The following RIN2 variants were observed in gnomAD, a reference collection of about 807,000 sequenced individuals.
RIN2 encodes RAB5 interacting protein 2.
Under a neutral mutation model 78.0 loss-of-function variants are expected in RIN2, and 36 were observed. That is an observed-to-expected ratio of 0.46 (90% CI 0.35 to 0.61). The LOEUF (loss-of-function observed/expected upper bound fraction) is 0.61. Ranked by LOEUF, RIN2 falls within the 20% of genes least tolerant of loss-of-function variation. RIN2 has a pLI of 0.00. For missense variants in RIN2, 1,087 were observed against 1,159.7 expected, an observed-to-expected ratio of 0.94 and a Z score of 0.91; for synonymous variants, 466 against 466.8, an observed-to-expected ratio of 1.00 and a Z score of 0.02.
intron 9 of RIN2, among the ~76,000 whole-genome samples, chr20:19,981,778 G>A (rs2042461575): frequency 6.6e-6 from 1 of 152,070 alleles, no homozygotes; most frequent in Non-Finnish European, 1.5e-5. Context: ...AAATCATACC[G>A]TGTCCTTCAG....
At chr20:19,774,973 C>G (rs2034261815) in intron 1 of RIN2, among the ~76,000 whole-genome samples, 1 of 152,086 alleles carries the variant, frequency 6.6e-6, no homozygotes, top group Non-Finnish European at 1.5e-5. Context: ...CAAGGATGGC[C>G]CATTACTGAC....
At chr20:19,988,982 CTG>C (rs1267207654) in intron 9 of RIN2, among the ~76,000 whole-genome samples, 2 of 151,250 alleles carry the variant, frequency 1.3e-5, no homozygotes, top group African/African-American at 2.5e-5. Context: ...TGCACACACA[CTG>C]TCTCTCATTT....
Position 19,974,927 on chromosome 20 carries a change from C to G in RIN2, c.902C>G (p.Thr301Arg). Residue 301 changes from threonine to arginine, a missense_variant, in exon 9 of 13, where the codon ACG becomes AGG. Physicochemically the swap from Thr to Arg is moderately conservative, Grantham distance 71. Transcript: ENST00000255006. The stretch of plus-strand genomic sequence containing the variant: ...ACAAGGACTCCCAACGCGAATGGCA[C>G]GGAGCGGACTCGGTCCCCCCCACCC... ...PSTRTPNANG[T>R]ERTRSPPPRP... The G allele has an allele frequency of 6.2e-7, 1 of 1,613,762 alleles. No homozygotes were observed. Among genetic ancestry groups the G allele is most frequent in the Non-Finnish European group, 8.5e-7 (1 of 1,179,776 alleles).
intron 1 of RIN2, among the ~76,000 whole-genome samples, chr20:19,773,876 A>T (rs2034220913): frequency 6.7e-6 from 1 of 150,146 alleles, no homozygotes; most frequent in African/African-American, 2.4e-5. Flanking sequence ...TAAAAATAAA[A>T]TAATATATAC....
intron 2 of RIN2, among the ~76,000 whole-genome samples, chr20:19,845,512 T>C (rs1475513966): frequency 6.6e-6 from 1 of 152,212 alleles, no homozygotes; most frequent in Non-Finnish European, 1.5e-5. Context: ...TTCATATGTT[T>C]GTTGGCCACA....
Position 19,886,612 on chromosome 20 carries a change from CTTTTTTTT to C in RIN2, c.-36-2942_-36-2935del, listed in dbSNP as rs11362637. 1,544 of 520,924 alleles carry C rather than the reference CTTTTTTTT, an allele frequency of 3.0e-3. 27 individuals carry two copies. In the African/African-American group the frequency reaches 0.036, roughly 12 times the overall value. The allele number at this position is 520,924 out of a possible 1,614,324, so 32.3% of individuals were successfully genotyped here. A position where few individuals can be genotyped will look rare whatever the true frequency, so the allele number is the denominator to read the frequency against. On this transcript the variant is annotated intron_variant, in intron 2 of 12. Coordinates refer to ENST00000255006, the MANE Select transcript of RIN2 (RefSeq NM_018993.4). ...GGGCTGCCTTCTTCTTCTTCTTCTT[CTTTTTTTT>C]TTTTTTTTTTTGCTAGCTTTTAGCT...
chr20:19,895,436 T>G (rs2281621), intron 3 of RIN2, among the ~76,000 whole-genome samples: 31,138 of 152,052 alleles, frequency 0.2, 3,962 homozygotes, highest in Non-Finnish European at 0.29. Context: ...GCCTCAAGTG[T>G]GTAGAGTACC....
In RIN2 at chr20:19,934,542, C is replaced by T. The variant is rs80280965; in HGVS notation, c.58-557C>T. Reference sequence around the variant, plus strand: ...CAGCCTCACTCAGTCCTTTCTCTTCCCTTTCCCCAACAATCTTCTCTCCAC... The same window carrying T: ...CAGCCTCACTCAGTCCTTTCTCTTCTCTTTCCCCAACAATCTTCTCTCCAC... On this transcript the variant is annotated intron_variant, in intron 3 of 12. Coordinates refer to ENST00000255006, the MANE Select transcript of RIN2 (RefSeq NM_018993.4). 7.1e-3 allele frequency: 6,967 copies of T among 985,020 alleles called. 170 individuals are homozygous for T. The East Asian group carries it at 0.1, about 15-fold the overall frequency. 61.0% of individuals were successfully genotyped at this position (985,020 alleles called of 1,614,324 possible).
intron 5 of RIN2, 74 bp from the exon 6 acceptor site, chr20:19,960,626 T>C (rs935939558): frequency 1.0e-5 from 11 of 1,101,526 alleles, no homozygotes; most frequent in Non-Finnish European, 1.5e-5. Context: ...TCATTGAGTG[T>C]GAGGGAAACC....
intron 2 of RIN2, among the ~76,000 whole-genome samples, chr20:19,825,062 T>C (rs942004000): frequency 6.6e-6 from 1 of 152,180 alleles, no homozygotes; most frequent in Non-Finnish European, 1.5e-5. Flanking sequence ...GGGATAACTG[T>C]GGGGTATGAG....
chr20:19,785,918 C>A (rs1224757344), intron 1 of RIN2, among the ~76,000 whole-genome samples: 1 of 152,124 alleles, frequency 6.6e-6, no homozygotes, highest in African/African-American at 2.4e-5. Flanking sequence ...GTATATATGT[C>A]AAAGTAACAC....
At chr20:19,885,928 G>A (rs6136870) in intron 2 of RIN2, among the ~76,000 whole-genome samples, 80,140 of 151,098 alleles carry the variant, frequency 0.53, 21,666 homozygotes, top group African/African-American at 0.64. Flanking sequence ...GGAAGGTTAC[G>A]TTGGACTAAA....
At chr20:19,961,983 A>G (rs1046941634) in intron 6 of RIN2, among the ~76,000 whole-genome samples, 2 of 152,144 alleles carry the variant, frequency 1.3e-5, no homozygotes, top group African/African-American at 4.8e-5. Context: ...TGAATCAATT[A>G]AGTAATTCTG....
rs142318694 is a variant in RIN2, at chr20:19,996,360, T to A, written c.2201-319T>A. On this transcript the variant is annotated intron_variant, in intron 11 of 12. Coordinates refer to ENST00000255006, the MANE Select transcript of RIN2 (RefSeq NM_018993.4). ...CAAACAAACAAAAAAAACACTTTAG[T>A]GGCTTGGTCAGTCTCACGCACTAGA... Among the ~76,000 whole-genome samples the A allele has an allele frequency of 2.5e-3, 382 of 151,828 alleles. 2 individuals are homozygous for A. Among genetic ancestry groups the A allele is most frequent in the Middle Eastern group, 0.01 (3 of 294 alleles).
intron 3 of RIN2, among the ~76,000 whole-genome samples, chr20:19,930,801 C>T (rs1251642969): frequency 1.3e-5 from 2 of 152,214 alleles, no homozygotes; most frequent in African/African-American, 2.4e-5. Flanking sequence ...AGTCCCTTCA[C>T]TCCTTCCATT....
At chr20:19,940,711 C>G (rs1426744116) in intron 4 of RIN2, among the ~76,000 whole-genome samples, 1 of 152,238 alleles carries the variant, frequency 6.6e-6, no homozygotes, top group African/African-American at 2.4e-5. Context: ...ATTTCACTCC[C>G]CTCTCCCTCC....
chr20:19,960,890 G>A, intron 6 of RIN2, 79 bp downstream of exon 6: 1 of 867,366 alleles, frequency 1.2e-6, no homozygotes, highest in East Asian at 2.6e-5. Flanking sequence ...AAGGAGCTCT[G>A]GTTATGAGAT....
chr20:19,969,282 C>G (rs1304809026), intron 7 of RIN2, among the ~76,000 whole-genome samples: 1 of 152,192 alleles, frequency 6.6e-6, no homozygotes, highest in Non-Finnish European at 1.5e-5. Flanking sequence ...CTCATGATGA[C>G]AAAGTCCAGG....
At chr20:19,820,314 C>A (rs1004156068) in intron 2 of RIN2, among the ~76,000 whole-genome samples, 4 of 152,106 alleles carry the variant, frequency 2.6e-5, no homozygotes, top group Non-Finnish European at 4.4e-5. Context: ...TGAACAGATG[C>A]CAGTTTTAAG....
Sources: allele counts gnomAD v4.1 joint callset (sites outside exome capture counted in the v4.1 genomes callset), GRCh38; gene constraint gnomAD v4.1.1; transcripts MANE v1.5; gene names NCBI Gene and HGNC (gene_info 2026-07-23, HGNC 2026-07-21).